The following CCDC7 variants were observed in gnomAD, a reference collection of about 807,000 sequenced individuals.
CCDC7 encodes coiled-coil domain-containing protein 7.
CCDC7 carries 183 observed loss-of-function variants against 196.9 expected under a neutral mutation model. The observed-to-expected ratio is 0.93, with a 90% CI of 0.82 to 1.05. CCDC7 has a LOEUF of 1.05. Among genes scored for constraint, CCDC7 ranks in the 50% least tolerant of loss-of-function variants. The probability of loss-of-function intolerance (pLI) is 0.00; values close to 1 mark genes in which losing one functional copy is unlikely to be tolerated. For missense variants in CCDC7, 1,540 were observed against 1,482.2 expected (o/e 1.04, Z -0.64); for synonymous variants, 525 against 484.6 (o/e 1.08, Z -1.10).
At chr10:32,845,650 T>G in intron 35 of CCDC7, 24 bp downstream of exon 36, 1 of 1,558,108 alleles carries the variant, frequency 6.4e-7, no homozygotes, top group Non-Finnish European at 8.8e-7. Context: ...ATTTCAAGAC[T>G]AATATTTATG....
chr10:32,865,354 A>T (rs1459152372), intron 41 of CCDC7, among the ~76,000 whole-genome samples: 1 of 151,650 alleles, frequency 6.6e-6, no homozygotes, highest in Non-Finnish European at 1.5e-5. Context: ...ATTCACCATT[A>T]GTCATCAGTG....
At chr10:32,574,436 T>TA (rs1564703782) in intron 16 of CCDC7, 1 of 1,592,644 alleles carries the variant, frequency 6.3e-7, no homozygotes, top group Admixed American at 1.8e-5. Flanking sequence ...TAGATGCTAA[T>TA]AGAGTTTCTG....
intron 29 of CCDC7, among the ~76,000 whole-genome samples, chr10:32,791,278 A>G (rs2082662039): frequency 6.6e-6 from 1 of 152,166 alleles, no homozygotes; most frequent in South Asian, 2.1e-4. Flanking sequence ...TAAGTTTGGA[A>G]AGGAGACTGC....
At chr10:32,623,833 A>G (rs2063676242) in intron 18 of CCDC7, 1 of 468,166 alleles carries the variant, frequency 2.1e-6, no homozygotes, top group East Asian at 6.9e-5. Context: ...TGTGGGAATG[A>G]GAGAGTAATG....
intron 8 of CCDC7, among the ~76,000 whole-genome samples, chr10:32,482,830 A>C (rs2040239887): frequency 6.6e-6 from 1 of 152,108 alleles, no homozygotes; most frequent in South Asian, 2.1e-4. Flanking sequence ...ACATGAACTC[A>C]TCCTTTTTTA....
chr10:32,767,587 C>G (rs916166155), intron 28 of CCDC7, among the ~76,000 whole-genome samples: 1 of 151,928 alleles, frequency 6.6e-6, no homozygotes, highest in African/African-American at 2.4e-5. Flanking sequence ...AATTGAACAA[C>G]TATCCATACA....
chr10:32,565,654 C>A, intron 14 of CCDC7, 34 bp downstream of exon 15: 1 of 1,586,228 alleles, frequency 6.3e-7, no homozygotes, highest in South Asian at 1.2e-5. Context: ...ACATTGTTAA[C>A]AAGTAAAGAA....
At chr10:32,626,897 C>G (rs1399688267) in intron 18 of CCDC7, among the ~76,000 whole-genome samples, 2 of 151,778 alleles carry the variant, frequency 1.3e-5, no homozygotes, top group Admixed American at 6.6e-5. Flanking sequence ...CTGGCGTGTT[C>G]CATTGGTTGG....
intron 33 of CCDC7, among the ~76,000 whole-genome samples, chr10:32,841,569 C>A (rs558292992): frequency 6.6e-6 from 1 of 152,058 alleles, no homozygotes; most frequent in African/African-American, 2.4e-5. Context: ...ATGCAATTCC[C>A]ATCAAAATAC....
rs532480921 is a variant in CCDC7, at chr10:32,600,591, A to G, written c.1801+16287A>G. ...GAATGCTCTGGCTAGGACTTCCCCA[A>G]CTTAATTTTAATAGCCTAGAGAACC... On this transcript the variant is annotated intron_variant, in intron 18 of 41. Transcript: ENST00000639629. Among the ~76,000 whole-genome samples the G allele has an allele frequency of 5.5e-4, 83 of 152,218 alleles. No individual in the cohort carries two copies. The Middle Eastern group carries it at 0.01, about 19-fold the overall frequency.
At chr10:32,564,600 A>G (rs999720272) in intron 13 of CCDC7, among the ~76,000 whole-genome samples, 3 of 150,390 alleles carry the variant, frequency 2.0e-5, no homozygotes, top group African/African-American at 7.3e-5. Flanking sequence ...GAATTGAACA[A>G]TGAGAACACA....
intron 9 of CCDC7, among the ~76,000 whole-genome samples, chr10:32,515,379 G>A (rs915404410): frequency 2.6e-5 from 4 of 152,100 alleles, no homozygotes; most frequent in Non-Finnish European, 4.4e-5. Context: ...TAGACATATA[G>A]AGCAATGGAA....
Position 32,640,864 on chromosome 10 carries a change from C to CTTT in CCDC7, c.2014+5715_2014+5717dup, listed in dbSNP as rs753769301. Among the ~76,000 whole-genome samples the CTTT allele has an allele frequency of 8.8e-3, 654 of 74,360 alleles. 9 individuals carry two copies. Among genetic ancestry groups the CTTT allele is most frequent in the East Asian group, 0.026 (60 of 2,338 alleles). The allele number at this position is 74,360 out of a possible 152,430, so 48.8% of individuals were successfully genotyped here. A position where few individuals can be genotyped will look rare whatever the true frequency, so the allele number is the denominator to read the frequency against. On this transcript the variant is annotated intron_variant, in intron 20 of 41. Coordinates refer to ENST00000639629, the Ensembl canonical transcript of CCDC7. ...CAGTCTCTTCTGGCTTGTAGATTTT[C>CTTT]TTTTTTTTTTTCTTTTTTTTTTTAT...
chr10:32,657,825 C>A (rs2070301950), intron 20 of CCDC7, among the ~76,000 whole-genome samples: 1 of 152,148 alleles, frequency 6.6e-6, no homozygotes, highest in South Asian at 2.1e-4. Context: ...GCAAATTTTT[C>A]AAACTTTTAT....
intron 18 of CCDC7, among the ~76,000 whole-genome samples, chr10:32,625,174 G>A (rs2063865644): frequency 6.6e-6 from 1 of 150,960 alleles, no homozygotes; most frequent in Admixed American, 6.6e-5. Flanking sequence ...AATTCATTGA[G>A]TTGATTTTTG....
At chr10:32,876,374 T>C (rs1380788650) in exon 42 of CCDC7, 1 of 1,611,176 alleles carries the variant, frequency 6.2e-7, no homozygotes, top group Admixed American at 1.7e-5. Flanking sequence ...CGAAAATCTG[T>C]ACCACACCCA....
chr10:32,544,153 AT>A (rs113244447), intron 12 of CCDC7, 93 bp from the exon 14 acceptor site: 112,933 of 1,088,722 alleles, frequency 0.1, 6,585 homozygotes, highest in African/African-American at 0.23. Flanking sequence ...AAACTTCATT[AT>A]TTTAAAATCG....
At chr10:32,724,216 A>G (rs991956698) in intron 25 of CCDC7, among the ~76,000 whole-genome samples, 2 of 151,912 alleles carry the variant, frequency 1.3e-5, no homozygotes, top group Non-Finnish European at 2.9e-5. Flanking sequence ...GGACTCCCAG[A>G]CTCTTGCAAA....
intron 18 of CCDC7, among the ~76,000 whole-genome samples, chr10:32,631,102 G>A (rs966828095): frequency 6.6e-6 from 1 of 152,210 alleles, no homozygotes; most frequent in Non-Finnish European, 1.5e-5. Context: ...AGACATGTGA[G>A]TGAATGATGA....
Sources: gnomAD v4.1 joint callset for allele counts (sites outside exome capture counted in the v4.1 genomes callset) on GRCh38, gnomAD v4.1.1 for gene constraint, MANE v1.5 for transcripts, NCBI Gene and HGNC (gene_info 2026-07-23, HGNC 2026-07-21) for gene names.